The following GLIS3 variants were observed in gnomAD, a reference collection of about 807,000 sequenced individuals.
The protein encoded by GLIS3 is GLIS family zinc finger 3.
Under a neutral mutation model 78.6 loss-of-function variants are expected in GLIS3, and 53 were observed. The ratio of observed to expected loss-of-function variants is 0.67; its 90% confidence interval spans 0.54 to 0.85. The LOEUF (loss-of-function observed/expected upper bound fraction) is 0.85. Among genes scored for constraint, GLIS3 ranks in the 40% least tolerant of loss-of-function variants. The probability of loss-of-function intolerance (pLI) is 0.00; values close to 1 mark genes in which losing one functional copy is unlikely to be tolerated. For missense variants in GLIS3, 1,703 were observed against 1,231.1 expected (o/e 1.38, Z -5.74); for synonymous variants, 684 against 509.9 (o/e 1.34, Z -4.60).
chr9:4,459,499 T>C, the GLIS3 span, among the ~76,000 whole-genome samples: 1 of 152,202 alleles, frequency 6.6e-6, no homozygotes, highest in East Asian at 1.9e-4. Context: ...AGCAATGGCT[T>C]GTGCCTGTAA....
At chr9:4,117,664 C>CCT (rs1193465953) in intron 4 of GLIS3, 104 bp downstream of exon 4, 1 of 1,273,900 alleles carries the variant, frequency 7.8e-7, no homozygotes, top group Non-Finnish European at 1.1e-6. Flanking sequence ...GATACCTAGA[C>CCT]CCCCACGCAT....
intron 4 of GLIS3, among the ~76,000 whole-genome samples, chr9:4,047,204 C>T (rs1365392038): frequency 6.6e-6 from 1 of 152,114 alleles, no homozygotes; most frequent in Non-Finnish European, 1.5e-5. Context: ...TCCCCCTTCG[C>T]TCTGTCTCTC....
At chr9:4,023,412 T>C (rs1823047110) in intron 4 of GLIS3, among the ~76,000 whole-genome samples, 1 of 152,206 alleles carries the variant, frequency 6.6e-6, no homozygotes, top group African/African-American at 2.4e-5. Context: ...GTGAGCCTGC[T>C]AGCTTGGCCA....
chr9:4,421,812 A>T, the GLIS3 span, among the ~76,000 whole-genome samples: 1 of 152,258 alleles, frequency 6.6e-6, no homozygotes, highest in Non-Finnish European at 1.5e-5. Flanking sequence ...TGAACCAAAC[A>T]TAAGTGATAT....
intron 4 of GLIS3, among the ~76,000 whole-genome samples, chr9:4,037,136 T>A (rs975633744): frequency 6.6e-6 from 1 of 152,182 alleles, no homozygotes; most frequent in Non-Finnish European, 1.5e-5. Context: ...ACTGAATACT[T>A]TGAAGATTAA....
At chr9:4,438,921 G>C in the GLIS3 span, among the ~76,000 whole-genome samples, 462 of 152,268 alleles carry the variant, frequency 3.0e-3, 4 homozygotes, top group African/African-American at 0.011. Context: ...CGTGAGAACA[G>C]ACTAATACAC....
At chr9:3,866,745 C>T (rs1045393771) in intron 8 of GLIS3, among the ~76,000 whole-genome samples, 3 of 152,178 alleles carry the variant, frequency 2.0e-5, no homozygotes, top group Admixed American at 1.3e-4. Context: ...GGGTCATGTA[C>T]ACTACAAAAT....
At chr9:3,891,613 G>T (rs1021932183) in intron 7 of GLIS3, among the ~76,000 whole-genome samples, 3 of 152,152 alleles carry the variant, frequency 2.0e-5, no homozygotes, top group African/African-American at 7.2e-5. Context: ...GAGGCAGGAG[G>T]ATGACTTGAG....
chr9:4,390,287 C>G, the GLIS3 span, among the ~76,000 whole-genome samples: 1 of 152,232 alleles, frequency 6.6e-6, no homozygotes, highest in South Asian at 2.1e-4. Context: ...ATACTTTGCA[C>G]TATGTGCAGG....
the GLIS3 span, among the ~76,000 whole-genome samples, chr9:4,377,215 G>C: frequency 5.4e-4 from 73 of 135,314 alleles, 17 homozygotes; most frequent in Admixed American, 2.5e-3. Context: ...ACCCATCCTC[G>C]ATGTGGGTGG....
the GLIS3 span, among the ~76,000 whole-genome samples, chr9:4,399,516 A>G: frequency 6.6e-6 from 1 of 152,228 alleles, no homozygotes; most frequent in Non-Finnish European, 1.5e-5. Flanking sequence ...CAGAGGCAAG[A>G]TCAAGTCCTG....
chr9:3,855,891 G>T (rs577583530), intron 9 of GLIS3, 118 bp downstream of exon 9: 2 of 1,136,770 alleles, frequency 1.8e-6, no homozygotes, highest in Non-Finnish European at 2.7e-6. Context: ...GGCAAGTCAT[G>T]AAAGCCTAAG....
At position 3,826,315 on chromosome 9, in the gene GLIS3, G is replaced by T. The variant is rs1027480864; in HGVS notation, c.*1957C>A. 1.2e-4 allele frequency: 18 copies of T among 152,214 alleles called. No individual in the cohort carries two copies. The highest frequency in any genetic ancestry group is 2.0e-4 in the Admixed American group (3 of 15,284). 9.4% of individuals were successfully genotyped at this position (152,214 alleles called of 1,614,324 possible). On this transcript the variant is annotated 3_prime_UTR_variant, in exon 11 of 11. Transcript: ENST00000381971. Reference sequence around the variant, plus strand: ...GTATGACAAAGGACGCATGAGGGATGCTACTAGCTGTGAGCATGCATATGT... The same window carrying T: ...GTATGACAAAGGACGCATGAGGGATTCTACTAGCTGTGAGCATGCATATGT...
intron 4 of GLIS3, among the ~76,000 whole-genome samples, chr9:4,056,497 T>C (rs1306176458): frequency 6.6e-6 from 1 of 152,098 alleles, no homozygotes; most frequent in Non-Finnish European, 1.5e-5. Context: ...AGGTAACAAA[T>C]GAAATGAAAT....
chr9:4,071,406 A>T (rs558398887), intron 4 of GLIS3: 1 of 152,346 alleles, frequency 6.6e-6, no homozygotes, highest in East Asian at 1.9e-4. Flanking sequence ...AATGTTATCA[A>T]TTAACTCTCC....
At chr9:4,377,958 T>A in the GLIS3 span, among the ~76,000 whole-genome samples, 2 of 152,200 alleles carry the variant, frequency 1.3e-5, no homozygotes, top group Non-Finnish European at 2.9e-5. Flanking sequence ...AATACATGTC[T>A]ATAAGATTGT....
chr9:4,267,554 C>G (rs1826127241), intron 2 of GLIS3, among the ~76,000 whole-genome samples: 1 of 152,198 alleles, frequency 6.6e-6, no homozygotes, highest in African/African-American at 2.4e-5. Context: ...TTGACAATCC[C>G]TAGCTACTTA....
chr9:4,028,628 T>A (rs1426462839), intron 4 of GLIS3, among the ~76,000 whole-genome samples: 1 of 152,228 alleles, frequency 6.6e-6, no homozygotes, highest in Non-Finnish European at 1.5e-5. Context: ...GAGCCCCTTG[T>A]GCCCAATTCC....
At chr9:4,079,834 T>C (rs1828398171) in intron 4 of GLIS3, among the ~76,000 whole-genome samples, 1 of 150,606 alleles carries the variant, frequency 6.6e-6, no homozygotes, top group Admixed American at 6.6e-5. Context: ...TAAGAGAAAT[T>C]CAATGAATCA....
Sources: gnomAD v4.1 joint callset for allele counts (sites outside exome capture counted in the v4.1 genomes callset) on GRCh38, gnomAD v4.1.1 for gene constraint, MANE v1.5 for transcripts, NCBI Gene and HGNC (gene_info 2026-07-23, HGNC 2026-07-21) for gene names.